Variants in ARAP1 observed in about 807,000 individuals in gnomAD.
ARAP1 encodes the protein ArfGAP with RhoGAP domain, ankyrin repeat and PH domain 1.
Under a neutral mutation model 172.2 loss-of-function variants are expected in ARAP1, and 76 were observed. The ratio of observed to expected loss-of-function variants is 0.44; its 90% CI spans 0.37 to 0.53. ARAP1 has a LOEUF of 0.53. ARAP1 is among the 20% of genes least tolerant of loss of function. The pLI, the probability that ARAP1 is intolerant of heterozygous loss-of-function variation, is 0.00. For synonymous variants in ARAP1, 804 were observed against 803.3 expected, an observed-to-expected ratio of 1.00 and a Z score of -0.01; for missense variants, 1,686 against 1,977.5, an observed-to-expected ratio of 0.85 and a Z score of 2.80.
chr11:72,701,906 G>T, intron 15 of ARAP1, 123 bp from the exon 16 acceptor site: 1 of 1,312,210 alleles, frequency 7.6e-7, no homozygotes, highest in Non-Finnish European at 1.0e-6. Flanking sequence ...CTCCCTAACT[G>T]GCAGCCTCAA....
intron 3 of ARAP1, chr11:72,722,495 A>T (rs1326118053): frequency 2.8e-6 from 1 of 360,982 alleles, no homozygotes; most frequent in African/African-American, 2.2e-5. Flanking sequence ...GTCCTGACTG[A>T]CAAGCCCTGG....
Position 72,727,108 on chromosome 11 carries a change from A to G in ARAP1, c.21T>C (p.Ala7=), listed in dbSNP as rs776104155. Residue 7 remains alanine (A), a synonymous_variant, in exon 3 of 35, where the codon GCT becomes GCC. Coordinates refer to ENST00000393609, the MANE Select transcript of ARAP1 (RefSeq NM_001040118.3). MAEAGD[A]ALSVAEWLRA... ...GCAGCCACTCGGCCACCGATAGCGC[A>G]GCATCCCCAGCCTCTGCCATGGTTC... is the stretch of plus-strand genomic sequence containing the variant. 1.8e-5 allele frequency: 28 copies of G among 1,590,864 alleles called. No homozygotes were observed. The Admixed American group carries it at 4.7e-4, about 27-fold the overall frequency.
Position 72,741,777 on chromosome 11 carries a change from G to A in ARAP1, c.-127-9180C>T, listed in dbSNP as rs1858207590. Among the ~76,000 whole-genome samples the A allele has an allele frequency of 6.6e-6, 1 of 152,130 alleles. No homozygotes were observed. The highest frequency in any genetic ancestry group is 1.5e-5 in the Non-Finnish European group (1 of 68,012). ...CTCAAGATACAGACCCTCACCACGT[G>A]CCCTGGGGGCCGAGGGCCAGCACCC... On this transcript the variant is annotated intron_variant, in intron 1 of 34. Coordinates refer to ENST00000393609, the MANE Select transcript of ARAP1 (RefSeq NM_001040118.3). The surrounding 1 kb of genome is among the most constrained non-coding windows in gnomAD (Gnocchi z 4.5).
At chr11:72,745,253 A>G (rs1858323802) in intron 1 of ARAP1, among the ~76,000 whole-genome samples, 1 of 132,270 alleles carries the variant, frequency 7.6e-6, no homozygotes, top group African/African-American at 3.0e-5. Flanking sequence ...CAGTGGCTCG[A>G]TCTCGGCTCA....
intron 3 of ARAP1, among the ~76,000 whole-genome samples, chr11:72,716,773 G>C (rs1857290029): frequency 6.6e-6 from 1 of 152,236 alleles, no homozygotes; most frequent in Non-Finnish European, 1.5e-5. Context: ...CTGGACAGCT[G>C]CATGGGCTGT....
At position 72,726,691 on chromosome 11, in the gene ARAP1, A is replaced by G; in HGVS notation, c.438T>C (p.Ala146=). The G allele has an allele frequency of 6.5e-7, 1 of 1,546,038 alleles. No homozygotes were observed. ...APDPVLPPLP[A]KRHLAELSVP... is the part of the protein sequence containing the mutation. ...CGCTCAGCTCTGCCAAATGCCGCTT[A>G]GCAGGCAGCGGGGGCAGCACAGGGT... The change falls in exon 3 of 35, where the codon GCT becomes GCC. Residue 146 remains alanine (A), a synonymous_variant. Coordinates refer to ENST00000393609, the MANE Select transcript of ARAP1 (RefSeq NM_001040118.3). The surrounding 1 kb of genome is among the most constrained non-coding windows in gnomAD (Gnocchi z 6.5).
At chr11:72,737,379 T>C (rs1462556927) in intron 1 of ARAP1, among the ~76,000 whole-genome samples, 2 of 152,138 alleles carry the variant, frequency 1.3e-5, no homozygotes, top group East Asian at 3.8e-4. Flanking sequence ...TTCTGTCCTC[T>C]ACCTACCATT....
chr11:72,727,895 G>C (rs1407649944), intron 2 of ARAP1, among the ~76,000 whole-genome samples: 2 of 152,210 alleles, frequency 1.3e-5, no homozygotes, highest in African/African-American at 4.8e-5. Flanking sequence ...TCCTGGCCTG[G>C]TGGGAGTCAA....
Position 72,695,461 on chromosome 11 carries a change from G to A in ARAP1, c.3508-6C>T. ...CAGATGAAGTCACCGGCATGCTGCAGGGAGACAGGGCTCAGCTGGGGGCCT... is the reference window on the plus strand; with the variant it reads ...CAGATGAAGTCACCGGCATGCTGCAAGGAGACAGGGCTCAGCTGGGGGCCT... On this transcript the variant is annotated splice_region_variant and splice_polypyrimidine_tract_variant and intron_variant, in intron 25 of 34. Transcript: ENST00000393609. This position sits in a 1 kb window ranked among gnomAD's most constrained non-coding sequence, Gnocchi z 4.4. The A allele has an allele frequency of 1.2e-6, 2 of 1,614,234 alleles. No homozygotes were observed. Among genetic ancestry groups the A allele is most frequent in the Non-Finnish European group, 1.7e-6 (2 of 1,180,044 alleles).
rs1591211988 is a variant in ARAP1 at position 72,714,207 on chromosome 11, T to G, written c.624A>C (p.Pro208=). The change falls in exon 4 of 35, where the codon CCA becomes CCC. Residue 208 remains proline, a synonymous_variant. Coordinates refer to ENST00000393609, the MANE Select transcript of ARAP1 (RefSeq NM_001040118.3). ...LPQGPPQPPS[P]PPCPPEIPPK... ...GAGGTATCTCCGGGGGGCAGGGAGGTGGAGAGGGAGGCTGGGGAGGCCCCT... is the reference window on the plus strand; with the variant it reads ...GAGGTATCTCCGGGGGGCAGGGAGGGGGAGAGGGAGGCTGGGGAGGCCCCT... 6 of 1,505,438 alleles carry G rather than the reference T, an allele frequency of 4.0e-6. No homozygotes were observed. The highest frequency in any genetic ancestry group is 2.6e-5 in the East Asian group (1 of 38,386). The allele number at this position is 1,505,438 out of a possible 1,614,324, so 93.3% of individuals were successfully genotyped here.
At position 72,686,045 on chromosome 11, in the gene ARAP1, CAG is replaced by C; in HGVS notation, c.4330_4331del (p.Leu1444ValfsTer16). Reference protein sequence around the residue: ...RSVAAFTADPLSLLRNV With the variant: ...RSVAAFTADPXSLLRNV ...AAAGGCATGGAGAGCCACTCACAGA[CAG>C]AGGGTCCGCGGTGAAGGCAGCCACA... On this transcript the variant is annotated frameshift_variant, in exon 34 of 35. Transcript: ENST00000393609. LOFTEE classifies it high-confidence loss of function. 1 of 1,614,068 alleles carries C rather than the reference CAG, an allele frequency of 6.2e-7. No homozygotes were observed. The highest frequency in any genetic ancestry group is 1.3e-5 in the African/African-American group (1 of 75,072).
Position 72,693,786 on chromosome 11 carries a change from C to T in ARAP1, c.3714G>A (p.Ala1238=), listed in dbSNP as rs374999551. The stretch of plus-strand genomic sequence containing the variant: ...CGTGCAGGATGGGCAGCACCTTCTC[C>T]GCAAAGTGCAGGGGGCGCTCTGGGG... ...REEAERPLHF[A]EKVLPILHGL... is the part of the protein sequence containing the mutation. The change falls in exon 28 of 35, where the codon GCG becomes GCA. Residue 1238 remains alanine (A), a synonymous_variant. Coordinates refer to ENST00000393609, the MANE Select transcript of ARAP1 (RefSeq NM_001040118.3). The surrounding 1 kb of genome is among the most constrained non-coding windows in gnomAD (Gnocchi z 4.6). 8.7e-6 allele frequency: 14 copies of T among 1,606,878 alleles called. No individual in the cohort carries two copies. Among genetic ancestry groups the T allele is most frequent in the East Asian group, 2.2e-5 (1 of 44,542 alleles).
rs542224855 is a variant in ARAP1 at position 72,699,624 on chromosome 11, G to A, written c.2303-72C>T. 334 of 1,541,628 alleles carry A rather than the reference G, an allele frequency of 2.2e-4. 3 individuals are homozygous for A. In the South Asian group the frequency reaches 3.6e-3, roughly 17 times the overall value. On this transcript the variant is annotated intron_variant, in intron 16 of 34. Transcript: ENST00000393609. This position sits in a 1 kb window ranked among gnomAD's most constrained non-coding sequence, Gnocchi z 4.2. ...CTGAAAACCACCTCTGCATCCTCCC[G>A]GGGCTCCTGCTCCCATCTGACCCAT...
At chr11:72,709,803 C>T (rs982557284) in intron 11 of ARAP1, 67 bp downstream of exon 11, 74 of 1,547,890 alleles carry the variant, frequency 4.8e-5, no homozygotes, top group South Asian at 4.6e-4. Context: ...CAGCTTCCCA[C>T]GTCGCGCAAA....
At position 72,726,312 on chromosome 11, in the gene ARAP1, A is replaced by C. The variant is rs1184849280; in HGVS notation, c.509+308T>G. Reference sequence around the variant, plus strand: ...CCAAGCTGAACTCGACTTCCTCCCAAAGTCACTTCTGTCCTTGGGTCTCTG... The same window carrying C: ...CCAAGCTGAACTCGACTTCCTCCCACAGTCACTTCTGTCCTTGGGTCTCTG... On this transcript the variant is annotated intron_variant, in intron 3 of 34. Transcript: ENST00000393609. This position sits in a 1 kb window ranked among gnomAD's most constrained non-coding sequence, Gnocchi z 6.5. 1.3e-5 allele frequency among the ~76,000 whole-genome samples: 2 copies of C among 151,850 alleles called. No individual in the cohort carries two copies. The highest frequency in any genetic ancestry group is 2.9e-5 in the Non-Finnish European group (2 of 67,962).
chr11:72,713,727 G>C (rs1006377239), intron 4 of ARAP1, among the ~76,000 whole-genome samples: 1 of 151,864 alleles, frequency 6.6e-6, no homozygotes, highest in Non-Finnish European at 1.5e-5. Flanking sequence ...GGCGCCTGTA[G>C]TCCCAGCTAC....
chr11:72,704,380 G>T (rs1856658823), intron 13 of ARAP1, 46 bp from the exon 14 acceptor site: 3 of 1,493,876 alleles, frequency 2.0e-6, no homozygotes, highest in Non-Finnish European at 1.8e-6. Context: ...GACAGCCAGG[G>T]GCCGTGCCGG....
intron 3 of ARAP1, among the ~76,000 whole-genome samples, 184 bp from the exon 4 acceptor site, chr11:72,714,505 G>T (rs983276478): frequency 6.6e-6 from 1 of 152,072 alleles, no homozygotes; most frequent in Admixed American, 6.5e-5. Context: ...CTGGTTCCCC[G>T]AAGCCTAAAG....
intron 15 of ARAP1, 94 bp from the exon 16 acceptor site, chr11:72,701,877 T>C: frequency 6.7e-7 from 1 of 1,499,354 alleles, no homozygotes; most frequent in Non-Finnish European, 9.0e-7. Flanking sequence ...CAGGCTCACT[T>C]TCGAATCATC....
Sources: gnomAD v4.1 joint callset for allele counts (sites outside exome capture counted in the v4.1 genomes callset) on GRCh38, gnomAD v4.1.1 for gene constraint, Gnocchi (gnomAD v3.1) non-coding constraint, MANE v1.5 for transcripts, NCBI Gene and HGNC (gene_info 2026-07-23, HGNC 2026-07-21) for gene names.